FMR1NB: variants seen among roughly 807,000 people sequenced by gnomAD.
The protein encoded by FMR1NB is FMR1 neighbor, also known as FMR1 neighbor protein.
In FMR1NB, 10 loss-of-function variants were observed where a neutral mutation model predicts 16.8. That is an observed-to-expected ratio of 0.60 (90% CI 0.37 to 1.01). The LOEUF (loss-of-function observed/expected upper bound fraction) is 1.01, where lower values mean the gene tolerates loss of function less well. FMR1NB is among the 50% of genes least tolerant of loss of function. FMR1NB has a pLI of 0.01. For missense variants in FMR1NB, 205 were observed against 204.8 expected (o/e 1.00, Z 0.00); for synonymous variants, 83 against 79.1 (o/e 1.05, Z -0.26).
chrX:148,012,617 T>G (rs1557189739), intron 4 of FMR1NB, among the ~76,000 whole-genome samples: 1 of 111,546 alleles, frequency 9.0e-6, no homozygotes, highest in Non-Finnish European at 1.9e-5. Context: ...CCCATACACT[T>G]TCAATGTTGC....
chrX:147,985,761 TAGTGCTGCAATA>T (rs2044473036), intron 1 of FMR1NB, among the ~76,000 whole-genome samples: 1 of 112,184 alleles, frequency 8.9e-6, no homozygotes, highest in African/African-American at 3.2e-5. Flanking sequence ...TTATTGTAAA[TAGTGCTGCAATA>T]AACATACATG....
chrX:147,993,093 C>T (rs1174565164), intron 1 of FMR1NB, among the ~76,000 whole-genome samples: 2 of 108,571 alleles, frequency 1.8e-5, no homozygotes, highest in Non-Finnish European at 3.9e-5. Flanking sequence ...TGTAGTGAGC[C>T]GAGATCACGC....
chrX:148,021,029 T>C lies in FMR1NB; in HGVS notation c.633-3836T>C, dbSNP rs191943322. 4.4e-3 allele frequency among the ~76,000 whole-genome samples: 488 copies of C among 112,016 alleles called. 2 individuals are homozygous for C. The highest frequency in any genetic ancestry group is 7.1e-3 in the Non-Finnish European group (377 of 53,170). ...GGTTATTGAGGGCCCCAGTGAACTT[T>C]TGGCCCACAGTGGCAAGGCTTGCCA... On this transcript the variant is annotated intron_variant, in intron 4 of 5. Coordinates refer to ENST00000370467, the MANE Select transcript of FMR1NB (RefSeq NM_152578.3).
At chrX:148,016,375 G>C (rs1603085944) in intron 4 of FMR1NB, among the ~76,000 whole-genome samples, 1 of 111,570 alleles carries the variant, frequency 9.0e-6, no homozygotes, top group South Asian at 3.7e-4. Context: ...GTAGGCAACT[G>C]ATGATTGGGT....
chrX:148,007,450 C>T (rs782047249), intron 3 of FMR1NB, among the ~76,000 whole-genome samples: 2 of 111,201 alleles, frequency 1.8e-5, no homozygotes, highest in East Asian at 2.9e-4. Context: ...CCAGCAAGCC[C>T]GACTAATTTT....
At chrX:147,991,647 C>CTTTTTTTTTTTTTTTTTTTTTTTTTT (rs782065632) in intron 1 of FMR1NB, among the ~76,000 whole-genome samples, 4 of 87,370 alleles carry the variant, frequency 4.6e-5, no homozygotes, top group African/African-American at 1.9e-4. Flanking sequence ...GGCCTTCCTT[C>CTTTTTTTTTTTTTTTTTTTTTTTTTT]TTTTTTTTTT....
At chrX:147,994,896 T>C (rs1364487375) in intron 1 of FMR1NB, among the ~76,000 whole-genome samples, 1 of 112,489 alleles carries the variant, frequency 8.9e-6, no homozygotes, top group Non-Finnish European at 1.9e-5. Flanking sequence ...ATGGGTTGAA[T>C]TGTGTTCCCT....
In FMR1NB at chrX:148,020,588, A is replaced by C. The variant is rs146388808; in HGVS notation, c.633-4277A>C. Among the ~76,000 whole-genome samples, 642 of 111,374 alleles carry C rather than the reference A, an allele frequency of 5.8e-3. 8 individuals are homozygous for C. Among genetic ancestry groups the C allele is most frequent in the African/African-American group, 0.02 (601 of 30,606 alleles). On this transcript the variant is annotated intron_variant, in intron 4 of 5. Coordinates refer to ENST00000370467, the MANE Select transcript of FMR1NB (RefSeq NM_152578.3). ...TATCACTGCTTGTTATTCAGGGCCC[A>C]AGGGATTTTCAGTCAGCAGGTCCTG...
intron 5 of FMR1NB, chrX:148,025,790 G>A (rs1477156190): frequency 1.8e-5 from 2 of 111,755 alleles, no homozygotes; most frequent in Non-Finnish European, 3.8e-5. Flanking sequence ...TTTGAAAATT[G>A]CAATGCAGTA....
At chrX:148,014,357 A>G in intron 4 of FMR1NB, among the ~76,000 whole-genome samples, 1 of 111,938 alleles carries the variant, frequency 8.9e-6, no homozygotes, top group Non-Finnish European at 1.9e-5. Context: ...CTCTCCCTCT[A>G]ATCCATCCTG....
At chrX:147,993,934 A>G (rs1557187962) in intron 1 of FMR1NB, among the ~76,000 whole-genome samples, 1 of 104,755 alleles carries the variant, frequency 9.5e-6, no homozygotes, top group Admixed American at 9.8e-5. Flanking sequence ...TCCCAACCTG[A>G]ACTGCTTTTC....
At chrX:147,992,282 A>G (rs11620103) in intron 1 of FMR1NB, among the ~76,000 whole-genome samples, 143 of 66,649 alleles carry the variant, frequency 2.1e-3, no homozygotes, top group Non-Finnish European at 2.8e-3. Flanking sequence ...CTGGCCGGGC[A>G]GGGGGGCTGA....
At chrX:147,996,184 T>C (rs1557188141) in intron 1 of FMR1NB, among the ~76,000 whole-genome samples, 1 of 111,894 alleles carries the variant, frequency 8.9e-6, no homozygotes, top group African/African-American at 3.2e-5. Flanking sequence ...AAAATAAATA[T>C]CCTGAAAACA....
chrX:147,984,190 C>G (rs937854749), intron 1 of FMR1NB, among the ~76,000 whole-genome samples: 1 of 111,424 alleles, frequency 9.0e-6, no homozygotes, highest in African/African-American at 3.3e-5. Flanking sequence ...TACTGTTTTG[C>G]GTATTCATGG....
At chrX:147,994,996 G>A (rs550954351) in intron 1 of FMR1NB, among the ~76,000 whole-genome samples, 17 of 111,780 alleles carry the variant, frequency 1.5e-4, no homozygotes, top group Middle Eastern at 9.4e-3. Context: ...AAGTTAAAAT[G>A]AGGTCATCTG....
intron 2 of FMR1NB, among the ~76,000 whole-genome samples, chrX:148,004,963 C>A (rs142155205): frequency 0.015 from 1,637 of 112,590 alleles, 32 homozygotes; most frequent in African/African-American, 0.05. Context: ...AATCTCGGCT[C>A]ACTGCAACCT....
intron 4 of FMR1NB, among the ~76,000 whole-genome samples, chrX:148,017,469 C>A (rs963452533): frequency 2.7e-5 from 3 of 110,756 alleles, no homozygotes; most frequent in African/African-American, 9.9e-5. Context: ...ACCCCATCAC[C>A]TTCTCTACCT....
rs377157343 is a variant in FMR1NB, at chrX:148,005,103, C to T, written c.398-1599C>T. Reference sequence around the variant, plus strand: ...CAGGTTTTCACCATGTTGGCCAGGACGGTCTCGATCTCTTGACCTCGTGAT... The same window carrying T: ...CAGGTTTTCACCATGTTGGCCAGGATGGTCTCGATCTCTTGACCTCGTGAT... On this transcript the variant is annotated intron_variant, in intron 2 of 5. Coordinates refer to ENST00000370467, the MANE Select transcript of FMR1NB (RefSeq NM_152578.3). Among the ~76,000 whole-genome samples the T allele has an allele frequency of 5.5e-4, 62 of 111,864 alleles. No individual in the cohort carries two copies. In the South Asian group the frequency reaches 0.019, roughly 34 times the overall value.
intron 1 of FMR1NB, among the ~76,000 whole-genome samples, chrX:147,982,595 A>ATG (rs2044455365): frequency 1.0e-5 from 1 of 97,956 alleles, no homozygotes; most frequent in African/African-American, 3.8e-5. Context: ...TCTCAAAAAA[A>ATG]AAAAAAAAAA....
Sources: allele counts gnomAD v4.1 joint callset (sites outside exome capture counted in the v4.1 genomes callset), GRCh38; gene constraint gnomAD v4.1.1; transcripts MANE v1.5; gene names NCBI Gene and HGNC (gene_info 2026-07-23, HGNC 2026-07-21).